Variants in EXOC2 observed in about 807,000 individuals in gnomAD.
EXOC2 encodes the protein exocyst complex component 2, also known as SEC5-like 1.
In EXOC2, 70 loss-of-function variants were observed where a neutral mutation model predicts 131.8. The ratio of observed to expected loss-of-function variants is 0.53; its 90% CI spans 0.44 to 0.65. The LOEUF (loss-of-function observed/expected upper bound fraction) is 0.65, where lower values mean the gene tolerates loss of function less well. Among genes scored for constraint, EXOC2 ranks in the 30% least tolerant of loss-of-function variants. EXOC2 has a pLI of 0.00. For synonymous variants in EXOC2, 411 were observed against 398.4 expected (o/e 1.03, Z -0.38); for missense variants, 923 against 1,108.6 (o/e 0.83, Z 2.38).
intron 1 of EXOC2, among the ~76,000 whole-genome samples, chr6:665,309 C>G (rs908298916): frequency 6.8e-6 from 1 of 146,256 alleles, no homozygotes; most frequent in African/African-American, 2.5e-5. Context: ...ATGCGGTGAA[C>G]AGGGAACACT....
chr6:500,888 G>A (rs563557307), intron 23 of EXOC2, among the ~76,000 whole-genome samples: 3 of 151,536 alleles, frequency 2.0e-5, no homozygotes, highest in South Asian at 4.2e-4. Flanking sequence ...CCTTTTGAAC[G>A]GGCATTTGCA....
At chr6:501,145 T>TTATATATATCTATATAA (rs1554117226) in intron 23 of EXOC2, among the ~76,000 whole-genome samples, 2 of 68,994 alleles carry the variant, frequency 2.9e-5, no homozygotes, top group African/African-American at 1.1e-4. Context: ...TATCTATATA[T>TTATATATATCTATATAA]ATTATATATA....
intron 1 of EXOC2, among the ~76,000 whole-genome samples, chr6:692,789 C>T (rs1430603085): frequency 1.4e-5 from 1 of 72,336 alleles, no homozygotes; most frequent in Non-Finnish European, 3.5e-5. Flanking sequence ...GGGGTGCGAA[C>T]TGGCGGGGGT....
intron 23 of EXOC2, among the ~76,000 whole-genome samples, chr6:516,751 G>A (rs539300392): frequency 7.9e-5 from 12 of 152,182 alleles, no homozygotes; most frequent in Non-Finnish European, 1.5e-4. Context: ...GCATGTAAAT[G>A]AGTTTTGGAG....
chr6:501,232 T>TC (rs1764101695), intron 23 of EXOC2, among the ~76,000 whole-genome samples: 1 of 29,044 alleles, frequency 3.4e-5, no homozygotes, highest in Non-Finnish European at 6.8e-5. Context: ...TCTATATATA[T>TC]TATATATATC....
chr6:648,783 G>A (rs1416511947), intron 1 of EXOC2, among the ~76,000 whole-genome samples: 8 of 145,966 alleles, frequency 5.5e-5, no homozygotes, highest in East Asian at 4.1e-4. Context: ...GAGCAGTAGC[G>A]TGACCACGGC....
chr6:665,051 T>C (rs1274134854), intron 1 of EXOC2, among the ~76,000 whole-genome samples: 5 of 151,980 alleles, frequency 3.3e-5, no homozygotes, highest in Admixed American at 6.6e-5. Context: ...AAAGGACTAA[T>C]ACCCAGAATC....
chr6:616,619 A>C (rs1002298518), intron 6 of EXOC2, among the ~76,000 whole-genome samples: 3 of 151,218 alleles, frequency 2.0e-5, no homozygotes, highest in Admixed American at 1.3e-4. Context: ...AAAAAAAAAA[A>C]AAAACTAACT....
At chr6:664,292 T>C (rs1229644468) in intron 1 of EXOC2, among the ~76,000 whole-genome samples, 5 of 152,074 alleles carry the variant, frequency 3.3e-5, no homozygotes, top group African/African-American at 9.7e-5. Context: ...TGAAAGAAAT[T>C]GTAGATGACA....
intron 15 of EXOC2, among the ~76,000 whole-genome samples, 153 bp from the exon 16 acceptor site, chr6:564,307 C>T (rs1757853082): frequency 6.6e-6 from 1 of 152,132 alleles, no homozygotes; most frequent in African/African-American, 2.4e-5. Flanking sequence ...ACTGTACTGT[C>T]AGAGTAATAC....
At chr6:489,642 G>GAAAAATTACCAAACCAAATGAAA (rs1322715340) in intron 26 of EXOC2, among the ~76,000 whole-genome samples, 6 of 152,160 alleles carry the variant, frequency 3.9e-5, no homozygotes, top group African/African-American at 1.4e-4. Context: ...GAAAGTATTA[G>GAAAAATTACCAAACCAAATGAAA]AAAAATTACC....
At position 610,074 on chromosome 6, in the gene EXOC2, T is replaced by C. The variant is rs190981891; in HGVS notation, c.742+24A>G. On this transcript the variant is annotated intron_variant, in intron 7 of 27. Transcript: ENST00000230449. ...GCATGTTGTAAAATCCATAAATAGT[T>C]CTGGGTAGTAGGACAAAACTTACTG... is the stretch of plus-strand genomic sequence containing the variant. 1.3e-5 allele frequency: 21 copies of C among 1,605,290 alleles called. No individual in the cohort carries two copies. The African/African-American group carries it at 1.6e-4, about 12-fold the overall frequency.
chr6:527,435 G>A (rs192305122), intron 23 of EXOC2, among the ~76,000 whole-genome samples: 2 of 152,352 alleles, frequency 1.3e-5, no homozygotes, highest in African/African-American at 2.4e-5. Flanking sequence ...CTTGAGAAGA[G>A]CTGTGCTTCT....
At chr6:554,027 T>G in intron 20 of EXOC2, 107 bp from the exon 21 acceptor site, 1 of 887,666 alleles carries the variant, frequency 1.1e-6, no homozygotes, top group Non-Finnish European at 1.8e-6. Flanking sequence ...TGGAAAACAT[T>G]TGGTGAAAGT....
intron 1 of EXOC2, among the ~76,000 whole-genome samples, chr6:682,772 G>A (rs1006706202): frequency 1.3e-5 from 2 of 152,154 alleles, no homozygotes; most frequent in African/African-American, 4.8e-5. Flanking sequence ...GGTTTTCTCC[G>A]GGTGTGATGA....
At chr6:676,702 A>G (rs373023836) in intron 1 of EXOC2, among the ~76,000 whole-genome samples, 3 of 57,466 alleles carry the variant, frequency 5.2e-5, no homozygotes, top group Middle Eastern at 7.4e-3. Context: ...ATACTCTTCA[A>G]CATTACGGAA....
chr6:542,346 A>T (rs1756604044), intron 22 of EXOC2, among the ~76,000 whole-genome samples: 3 of 152,270 alleles, frequency 2.0e-5, no homozygotes, highest in South Asian at 4.1e-4. Flanking sequence ...TAAACTAATC[A>T]TAATGCAATG....
intron 6 of EXOC2, among the ~76,000 whole-genome samples, chr6:616,622 A>AAC (rs1761026081): frequency 6.6e-6 from 1 of 151,270 alleles, no homozygotes; most frequent in Non-Finnish European, 1.5e-5. Flanking sequence ...AAAAAAAAAA[A>AAC]ACTAACTTCT....
chr6:614,738 C>T (rs1039057694), intron 6 of EXOC2, among the ~76,000 whole-genome samples: 1 of 152,006 alleles, frequency 6.6e-6, no homozygotes, highest in Non-Finnish European at 1.5e-5. Flanking sequence ...TATAAATAAG[C>T]TATATTTAAA....
Sources: gnomAD v4.1 joint callset for allele counts (sites outside exome capture counted in the v4.1 genomes callset) on GRCh38, gnomAD v4.1.1 for gene constraint, MANE v1.5 for transcripts, NCBI Gene and HGNC (gene_info 2026-07-23, HGNC 2026-07-21) for gene names.